MYCBP2: variants seen among roughly 807,000 people sequenced by gnomAD.
MYCBP2 encodes the protein E3 ubiquitin-protein ligase MYCBP2.
MYCBP2 carries 120 observed loss-of-function variants against 525.3 expected under a neutral mutation model. The ratio of observed to expected loss-of-function variants is 0.23; its 90% CI spans 0.20 to 0.27. The LOEUF (loss-of-function observed/expected upper bound fraction) is 0.27. Among genes scored for constraint, MYCBP2 ranks in the 10% least tolerant of loss-of-function variants. The pLI is 1.00. For missense variants in MYCBP2, 4,149 were observed against 5,657.1 expected (o/e 0.73, Z 8.55); for synonymous variants, 1,894 against 1,955.8 (o/e 0.97, Z 0.83).
intron 55 of MYCBP2, among the ~76,000 whole-genome samples, chr13:77,110,325 C>G (rs772565772): frequency 4.6e-5 from 7 of 152,158 alleles, no homozygotes; most frequent in Non-Finnish European, 1.0e-4. Context: ...GACTGAAATA[C>G]GCCCTGGTCT....
At chr13:77,106,789 T>C (rs1020218466) in intron 55 of MYCBP2, among the ~76,000 whole-genome samples, 9 of 152,108 alleles carry the variant, frequency 5.9e-5, no homozygotes, top group African/African-American at 2.2e-4. Context: ...CATGTGTAGG[T>C]TTGTTACATG....
intron 62 of MYCBP2, among the ~76,000 whole-genome samples, chr13:77,084,373 C>T (rs1359568707): frequency 1.3e-5 from 2 of 152,044 alleles, no homozygotes; most frequent in Non-Finnish European, 2.9e-5. Flanking sequence ...TGCTTTTTGC[C>T]TCCTTCTTTG....
rs2043470335 is a variant in MYCBP2, at chr13:77,082,511, TG to T, written c.11037-519del. Among the ~76,000 whole-genome samples, 3 of 152,286 alleles carry T rather than the reference TG, an allele frequency of 2.0e-5. No individual in the cohort carries two copies. The South Asian group carries it at 6.2e-4, about 32-fold the overall frequency. ...AATTAGGAGAATTTATTTATAAGTG[TG>T]AGTCCAGTATGTGAATCTAGTAACA... On this transcript the variant is annotated intron_variant, in intron 63 of 82. Transcript: ENST00000544440.
intron 73 of MYCBP2, among the ~76,000 whole-genome samples, chr13:77,063,273 T>G (rs2039622715): frequency 6.6e-6 from 1 of 152,080 alleles, no homozygotes; most frequent in Admixed American, 6.6e-5. Flanking sequence ...TTCTCCAAAA[T>G]AGGGCCGGGC....
At chr13:77,198,047 AT>A (rs970983606) in intron 26 of MYCBP2, among the ~76,000 whole-genome samples, 2 of 152,336 alleles carry the variant, frequency 1.3e-5, no homozygotes, top group South Asian at 2.1e-4. Context: ...AGAAAAAAAA[AT>A]ATCCTCCTGA....
intron 44 of MYCBP2, among the ~76,000 whole-genome samples, chr13:77,161,449 C>T (rs1343079188): frequency 6.6e-6 from 1 of 152,182 alleles, no homozygotes; most frequent in African/African-American, 2.4e-5. Flanking sequence ...CTAGCCCTAA[C>T]CACTTAATAT....
At chr13:77,128,734 G>A (rs1300960461) in intron 52 of MYCBP2, among the ~76,000 whole-genome samples, 3 of 151,774 alleles carry the variant, frequency 2.0e-5, no homozygotes, top group Non-Finnish European at 4.4e-5. Context: ...CCAGGTACCA[G>A]CATATTAAAT....
intron 17 of MYCBP2, among the ~76,000 whole-genome samples, chr13:77,237,093 A>G (rs1027519980): frequency 1.6e-4 from 25 of 152,176 alleles, no homozygotes; most frequent in Admixed American, 5.2e-4. Flanking sequence ...ATGTAGCTCT[A>G]AGTTTAAGAA....
rs1421464844 is a variant in MYCBP2 at position 77,044,740 on chromosome 13, C to T, written c.*638G>A. ...TGTTTACAGCTGCAAGATAATGAGG[C>T]ACACTCAGTATTGCACTTCATTAAA... On this transcript the variant is annotated 3_prime_UTR_variant, in exon 83 of 83. Coordinates refer to ENST00000544440, the MANE Select transcript of MYCBP2 (RefSeq NM_015057.5). 5.0e-6 allele frequency: 2 copies of T among 398,626 alleles called. No individual in the cohort carries two copies. Among genetic ancestry groups the T allele is most frequent in the African/African-American group, 2.1e-5 (1 of 48,584 alleles). The allele number at this position is 398,626 out of a possible 1,614,324, so 24.7% of individuals were successfully genotyped here.
intron 39 of MYCBP2, 79 bp downstream of exon 39, chr13:77,169,535 G>T (rs1288904395): frequency 4.8e-6 from 6 of 1,240,140 alleles, no homozygotes; most frequent in East Asian, 2.7e-5. Flanking sequence ...GCAAGTTTTT[G>T]TAAAGACAAG....
chr13:77,297,001 T>C (rs1483077177), intron 1 of MYCBP2, among the ~76,000 whole-genome samples: 1 of 152,168 alleles, frequency 6.6e-6, no homozygotes, highest in Non-Finnish European at 1.5e-5. Context: ...TTTACAAATG[T>C]CAGTGATGTT....
intron 17 of MYCBP2, among the ~76,000 whole-genome samples, chr13:77,239,119 C>CA (rs1000984400): frequency 8.1e-5 from 12 of 148,886 alleles, no homozygotes; most frequent in Admixed American, 2.7e-4. Context: ...GACTGTGACT[C>CA]AAAAAAAAAG....
chr13:77,195,952 C>A (rs1222736272), intron 26 of MYCBP2, among the ~76,000 whole-genome samples: 1 of 152,188 alleles, frequency 6.6e-6, no homozygotes, highest in Admixed American at 6.5e-5. Flanking sequence ...TATTTTTGAA[C>A]ACATACTGTA....
chr13:77,127,717 A>G (rs1449916683), intron 52 of MYCBP2, among the ~76,000 whole-genome samples: 1 of 151,916 alleles, frequency 6.6e-6, no homozygotes, highest in East Asian at 1.9e-4. Context: ...AGAGATATGT[A>G]TACATGTTCA....
At chr13:77,246,783 T>C (rs1289674173) in intron 15 of MYCBP2, among the ~76,000 whole-genome samples, 1 of 151,858 alleles carries the variant, frequency 6.6e-6, no homozygotes, top group Admixed American at 6.6e-5. Flanking sequence ...TTATACACCA[T>C]AACGAAGTGG....
chr13:77,127,598 A>G (rs879264681), intron 52 of MYCBP2, among the ~76,000 whole-genome samples: 1 of 151,970 alleles, frequency 6.6e-6, no homozygotes, highest in Admixed American at 6.6e-5. Context: ...ACATTAGGTT[A>G]AAACTGATAT....
Position 77,171,579 on chromosome 13 carries a change from C to T in MYCBP2, c.5707G>A (p.Asp1903Asn), listed in dbSNP as rs1422372394. 8 of 1,614,118 alleles carry T rather than the reference C, an allele frequency of 5.0e-6. No homozygotes were observed. Among genetic ancestry groups the T allele is most frequent in the South Asian group, 3.3e-5 (3 of 91,082 alleles). ...SQLLSKANEE[D>N]KNCSRALSVV... ...GACAATGCTCTGCTACAGTTTTTATCTTCTTCATTGGCTTTACTCAGAAGT... is the reference window on the plus strand; with the variant it reads ...GACAATGCTCTGCTACAGTTTTTATTTTCTTCATTGGCTTTACTCAGAAGT... The change falls in exon 38 of 83, where the codon GAT (aspartate) becomes AAT (asparagine). Residue 1903 changes from aspartate (D) to asparagine (N), a missense_variant. Asp to Asn is a conservative substitution (Grantham distance 23). Transcript: ENST00000544440.
intron 56 of MYCBP2, among the ~76,000 whole-genome samples, chr13:77,096,942 T>G (rs1399347087): frequency 6.6e-6 from 1 of 151,966 alleles, no homozygotes; most frequent in Non-Finnish European, 1.5e-5. Context: ...TTACTGAAAA[T>G]GCAGTCTTCT....
At chr13:77,152,025 C>T (rs1302824479) in intron 46 of MYCBP2, among the ~76,000 whole-genome samples, 1 of 152,088 alleles carries the variant, frequency 6.6e-6, no homozygotes, top group African/African-American at 2.4e-5. Context: ...AGAATTGTCA[C>T]AGAAATAGAA....
Sources: allele counts gnomAD v4.1 joint callset (sites outside exome capture counted in the v4.1 genomes callset), GRCh38; gene constraint gnomAD v4.1.1; transcripts MANE v1.5; gene names NCBI Gene and HGNC (gene_info 2026-07-23, HGNC 2026-07-21).